The following PTPRD variants were observed in gnomAD, a reference collection of about 807,000 sequenced individuals.
PTPRD encodes protein tyrosine phosphatase receptor type D.
A neutral mutation model predicts 214.5 loss-of-function variants in PTPRD; 34 were observed. That is an observed-to-expected ratio of 0.16 (90% CI 0.12 to 0.21). The LOEUF (loss-of-function observed/expected upper bound fraction) is 0.21, where lower values mean the gene tolerates loss of function less well. Among genes scored for constraint, PTPRD ranks in the 10% least tolerant of loss-of-function variants. The pLI is 1.00. For missense variants in PTPRD, 2,545 were observed against 2,398.7 expected (o/e 1.06, Z -1.27); for synonymous variants, 1,128 against 845.7 (o/e 1.33, Z -5.79).
intron 22 of PTPRD, among the ~76,000 whole-genome samples, chr9:8,505,744 C>T (rs949390671): frequency 6.6e-6 from 1 of 151,856 alleles, no homozygotes; most frequent in Non-Finnish European, 1.5e-5. Flanking sequence ...ATTTTAGATC[C>T]ACCAAGTAAG....
chr9:8,851,223 T>C (rs2097804267), intron 11 of PTPRD, among the ~76,000 whole-genome samples: 3 of 150,302 alleles, frequency 2.0e-5, no homozygotes, highest in South Asian at 2.1e-4. Context: ...AAGGCACTTA[T>C]TCTGCTTCAG....
At chr9:8,725,958 T>A (rs1331341684) in intron 12 of PTPRD, among the ~76,000 whole-genome samples, 2 of 151,726 alleles carry the variant, frequency 1.3e-5, no homozygotes, top group African/African-American at 2.4e-5. Flanking sequence ...AGGCCCACAC[T>A]GTTTAAAATT....
At chr9:10,525,012 T>G (rs1590067411) in intron 2 of PTPRD, among the ~76,000 whole-genome samples, 1 of 152,098 alleles carries the variant, frequency 6.6e-6, no homozygotes, top group East Asian at 1.9e-4. Flanking sequence ...CATATGTTTC[T>G]TCTCTGCAGA....
At chr9:10,154,404 C>T (rs973295798) in intron 3 of PTPRD, among the ~76,000 whole-genome samples, 1 of 152,070 alleles carries the variant, frequency 6.6e-6, no homozygotes, top group Non-Finnish European at 1.5e-5. Context: ...AAAAATTCTG[C>T]CATTCTGTAG....
chr9:8,911,967 C>A (rs140609393), intron 11 of PTPRD, among the ~76,000 whole-genome samples: 108 of 152,218 alleles, frequency 7.1e-4, no homozygotes, highest in East Asian at 5.4e-3. Context: ...CAACCCTAGT[C>A]CCACTAGAAT....
chr9:9,697,331 G>A (rs1229376947), intron 7 of PTPRD, among the ~76,000 whole-genome samples: 1 of 151,946 alleles, frequency 6.6e-6, no homozygotes, highest in East Asian at 1.9e-4. Context: ...CTTTCAGATT[G>A]AAAAACTCCC....
chr9:10,588,624 CTA>C (rs1206554520), intron 2 of PTPRD, among the ~76,000 whole-genome samples: 5 of 151,940 alleles, frequency 3.3e-5, no homozygotes, highest in African/African-American at 1.2e-4. Flanking sequence ...CAGTAAAAGA[CTA>C]TTGCTCAGTA....
intron 37 of PTPRD, among the ~76,000 whole-genome samples, chr9:8,388,150 AAT>A (rs150050989): frequency 0.073 from 11,044 of 152,158 alleles, 517 homozygotes; most frequent in Non-Finnish European, 0.099. Context: ...GTGGCTTTTT[AAT>A]ATGTTTCTGT....
intron 14 of PTPRD, among the ~76,000 whole-genome samples, chr9:8,550,959 C>T (rs1029820852): frequency 1.1e-4 from 16 of 152,206 alleles, no homozygotes; most frequent in African/African-American, 3.1e-4. Flanking sequence ...AACAATTACT[C>T]ATCACCAACA....
chr9:8,403,054 GAT>G (rs2092603500), intron 36 of PTPRD, among the ~76,000 whole-genome samples: 1 of 152,144 alleles, frequency 6.6e-6, no homozygotes, highest in African/African-American at 2.4e-5. Flanking sequence ...AATGCTGAAA[GAT>G]AGTTTTTCTT....
At chr9:10,390,348 T>C (rs1266237598) in intron 2 of PTPRD, among the ~76,000 whole-genome samples, 2 of 151,792 alleles carry the variant, frequency 1.3e-5, no homozygotes, top group Middle Eastern at 3.2e-3. Context: ...AAAATCCAAG[T>C]GAGGCTCAGC....
chr9:9,581,633 T>TG (rs2090804318), intron 7 of PTPRD, among the ~76,000 whole-genome samples: 1 of 152,066 alleles, frequency 6.6e-6, no homozygotes, highest in Non-Finnish European at 1.5e-5. Flanking sequence ...GATAGACCCT[T>TG]GGGAAAAAAA....
intron 2 of PTPRD, among the ~76,000 whole-genome samples, chr9:10,575,004 AATC>A: frequency 6.6e-6 from 1 of 151,902 alleles, no homozygotes; most frequent in East Asian, 1.9e-4. Flanking sequence ...CAAAGAAAAA[AATC>A]ATCAGGAAAG....
intron 12 of PTPRD, among the ~76,000 whole-genome samples, chr9:8,650,284 C>T (rs1207574775): frequency 6.6e-6 from 1 of 151,944 alleles, no homozygotes; most frequent in African/African-American, 2.4e-5. Flanking sequence ...AATCCCAGCA[C>T]TTTGGGAGGC....
intron 7 of PTPRD, among the ~76,000 whole-genome samples, chr9:9,704,788 C>T (rs569980393): frequency 6.6e-6 from 1 of 152,246 alleles, no homozygotes; most frequent in African/African-American, 2.4e-5. Context: ...ACTAGCCATA[C>T]CCACCAAAGT....
intron 2 of PTPRD, among the ~76,000 whole-genome samples, chr9:10,534,103 C>A (rs962257999): frequency 6.6e-6 from 1 of 151,804 alleles, no homozygotes; most frequent in South Asian, 2.1e-4. Flanking sequence ...AAAAATATTT[C>A]ATTAAGGGAA....
chr9:9,405,792 C>G (rs568180802), intron 8 of PTPRD, among the ~76,000 whole-genome samples: 1 of 152,044 alleles, frequency 6.6e-6, no homozygotes, highest in Non-Finnish European at 1.5e-5. Context: ...TTGTTTCCAT[C>G]TAAGAATGTT....
chr9:10,069,299 G>T (rs187746420), intron 3 of PTPRD, among the ~76,000 whole-genome samples: 1 of 152,026 alleles, frequency 6.6e-6, no homozygotes, highest in African/African-American at 2.4e-5. Flanking sequence ...TAAGCAGAGT[G>T]CAAACAAGAA....
At chr9:10,454,850 T>C (rs570847474) in intron 2 of PTPRD, among the ~76,000 whole-genome samples, 1 of 151,220 alleles carries the variant, frequency 6.6e-6, no homozygotes, top group East Asian at 1.9e-4. Flanking sequence ...CACACACATA[T>C]AATAGAAAAC....
Sources: allele counts gnomAD v4.1 joint callset (sites outside exome capture counted in the v4.1 genomes callset), GRCh38; gene constraint gnomAD v4.1.1; transcripts MANE v1.5; gene names NCBI Gene and HGNC (gene_info 2026-07-23, HGNC 2026-07-21).